MSH4: variants seen among roughly 807,000 people sequenced by gnomAD.
MSH4 encodes the protein mutS homolog 4, also known as mutS protein homolog 4.
Under a neutral mutation model 113.7 loss-of-function variants are expected in MSH4, and 106 were observed. The observed-to-expected ratio is 0.93, with a 90% confidence interval of 0.80 to 1.10. MSH4 has a LOEUF of 1.10. Ranked by LOEUF, MSH4 falls within the 50% of genes least tolerant of loss-of-function variation. MSH4 has a pLI of 0.00. For missense variants in MSH4, 1,061 were observed against 1,093.7 expected, an observed-to-expected ratio of 0.97 and a Z score of 0.42; for synonymous variants, 368 against 380.2, an observed-to-expected ratio of 0.97 and a Z score of 0.37.
At chr1:75,892,388 C>T (rs1269545438) in intron 17 of MSH4, among the ~76,000 whole-genome samples, 1 of 151,442 alleles carries the variant, frequency 6.6e-6, no homozygotes, top group Non-Finnish European at 1.5e-5. Flanking sequence ...CTCTCTCTCT[C>T]TCTCTCTTTC....
intron 19 of MSH4, among the ~76,000 whole-genome samples, chr1:75,912,246 G>A (rs931658855): frequency 6.6e-6 from 1 of 152,090 alleles, no homozygotes; most frequent in Non-Finnish European, 1.5e-5. Context: ...GGGAATTAAA[G>A]TAGGAGATAG....
intron 14 of MSH4, among the ~76,000 whole-genome samples, chr1:75,883,204 A>ACCATGTTG (rs984090755): frequency 7.0e-6 from 1 of 141,848 alleles, no homozygotes; most frequent in African/African-American, 2.6e-5. Flanking sequence ...ATAGGGTTTG[A>ACCATGTTG]CCATGTTGCC....
chr1:75,907,883 AT>A (rs1036495583), intron 19 of MSH4, among the ~76,000 whole-genome samples: 3 of 149,772 alleles, frequency 2.0e-5, no homozygotes, highest in African/African-American at 7.4e-5. Flanking sequence ...TGCCTGTCTA[AT>A]TTTTTTAGTG....
intron 19 of MSH4, among the ~76,000 whole-genome samples, chr1:75,907,360 A>C (rs1235841286): frequency 6.6e-6 from 1 of 151,848 alleles, no homozygotes; most frequent in Non-Finnish European, 1.5e-5. Context: ...GTTTTTGTTG[A>C]GAAGTCTGTT....
intron 4 of MSH4, among the ~76,000 whole-genome samples, chr1:75,814,132 T>C (rs1650245954): frequency 6.6e-6 from 1 of 152,052 alleles, no homozygotes; most frequent in Admixed American, 6.6e-5. Flanking sequence ...GTAAACCTTT[T>C]ACTTAACAAC....
At chr1:75,871,229 A>C (rs1439046627) in intron 9 of MSH4, among the ~76,000 whole-genome samples, 1 of 152,190 alleles carries the variant, frequency 6.6e-6, no homozygotes, top group African/African-American at 2.4e-5. Flanking sequence ...CACCATCATG[A>C]GAACAGCATG....
rs34304425 is a variant in MSH4 at position 75,902,673 on chromosome 1, GTATATATATATATATATATA to G, written c.2619+3010_2619+3029del. On this transcript the variant is annotated intron_variant, in intron 19 of 19. Transcript: ENST00000263187. ...AGGTACAGGTGTTATATATGTGTAT[GTATATATATATATATATATA>G]TATATATATATATATATATATATAT... Among the ~76,000 whole-genome samples, 333 of 90,186 alleles carry G rather than the reference GTATATATATATATATATATA, an allele frequency of 3.7e-3. 2 individuals carry two copies. Among genetic ancestry groups the G allele is most frequent in the East Asian group, 7.5e-3 (8 of 1,060 alleles). The allele number at this position is 90,186 out of a possible 152,430, so 59.2% of individuals were successfully genotyped here.
At chr1:75,809,850 C>A (rs1650149964) in intron 3 of MSH4, among the ~76,000 whole-genome samples, 1 of 151,964 alleles carries the variant, frequency 6.6e-6, no homozygotes, top group South Asian at 2.1e-4. Flanking sequence ...AGGGTTTCAC[C>A]ATGTTGGCCA....
chr1:75,808,202 G>A (rs1650110093), intron 3 of MSH4, among the ~76,000 whole-genome samples: 2 of 152,104 alleles, frequency 1.3e-5, no homozygotes, highest in Non-Finnish European at 2.9e-5. Context: ...GTCCCTGGTG[G>A]TATTTCAGAT....
chr1:75,896,389 AC>A lies in MSH4; in HGVS notation c.2356-1517del, dbSNP rs1652384539. On this transcript the variant is annotated intron_variant, in intron 17 of 19. Transcript: ENST00000263187. ...CACACACACACACACACACACACACACACACCCTATTGGTCTCTTTCTCTGG... is the reference window on the plus strand; with the variant it reads ...CACACACACACACACACACACACACAACACCCTATTGGTCTCTTTCTCTGG... 3.0e-5 allele frequency among the ~76,000 whole-genome samples: 3 copies of A among 100,128 alleles called. No homozygotes were observed. The South Asian group carries it at 1.0e-3, about 34-fold the overall frequency. The allele number at this position is 100,128 out of a possible 152,430, so 65.7% of individuals were successfully genotyped here.
chr1:75,807,704 T>C (rs188923028), intron 3 of MSH4, among the ~76,000 whole-genome samples: 2 of 152,320 alleles, frequency 1.3e-5, no homozygotes, highest in East Asian at 3.9e-4. Context: ...TGGCAAGGGA[T>C]AGACTTGTGG....
At chr1:75,844,770 A>C (rs1651040438) in intron 7 of MSH4, among the ~76,000 whole-genome samples, 1 of 152,260 alleles carries the variant, frequency 6.6e-6, no homozygotes, top group Non-Finnish European at 1.5e-5. Context: ...GTGGTGGTAC[A>C]TGCAAGACAC....
intron 8 of MSH4, among the ~76,000 whole-genome samples, chr1:75,858,100 T>G (rs1651361109): frequency 6.6e-6 from 1 of 152,200 alleles, no homozygotes; most frequent in Admixed American, 6.5e-5. Context: ...TGCTTGTGAT[T>G]TTGCACATTG....
intron 7 of MSH4, among the ~76,000 whole-genome samples, chr1:75,829,547 A>G (rs1464030197): frequency 6.6e-6 from 1 of 152,210 alleles, no homozygotes; most frequent in Non-Finnish European, 1.5e-5. Flanking sequence ...GTAGGGGCCG[A>G]CTGACACCTC....
At position 75,879,014 on chromosome 1, in the gene MSH4, A is replaced by C. The variant is rs750048104; in HGVS notation, c.1563A>C (p.Glu521Asp). The change falls in exon 12 of 20, where the codon GAA (glutamate) becomes GAC (aspartate). Residue 521 changes from glutamate to aspartate, a missense_variant. Glu to Asp is a conservative substitution (Grantham distance 45). Transcript: ENST00000263187. ...CAGGAATGATATCACAACTTGGAGAAAAATATAGTCTACCTTTAAGGACAA... is the reference window on the plus strand; with the variant it reads ...CAGGAATGATATCACAACTTGGAGACAAATATAGTCTACCTTTAAGGACAA... Reference protein sequence around the residue: ...DIAGMISQLGEKYSLPLRTSF... With the variant: ...DIAGMISQLGDKYSLPLRTSF... 6.2e-7 allele frequency: 1 copy of C among 1,610,010 alleles called. No homozygotes were observed. Among genetic ancestry groups the C allele is most frequent in the Admixed American group, 1.7e-5 (1 of 59,530 alleles).
chr1:75,911,721 G>A (rs1444802076), intron 19 of MSH4, among the ~76,000 whole-genome samples: 4 of 151,940 alleles, frequency 2.6e-5, no homozygotes, highest in Non-Finnish European at 5.9e-5. Context: ...AGACTAATTG[G>A]TAATTGATCT....
chr1:75,867,719 A>T, intron 9 of MSH4, 131 bp downstream of exon 9: 1 of 612,594 alleles, frequency 1.6e-6, no homozygotes, highest in East Asian at 2.9e-5. Context: ...TTCTTTGTAC[A>T]TACTTTACAT....
At chr1:75,843,443 A>G (rs1215122073) in intron 7 of MSH4, among the ~76,000 whole-genome samples, 3 of 152,194 alleles carry the variant, frequency 2.0e-5, no homozygotes, top group Non-Finnish European at 4.4e-5. Flanking sequence ...TTCCCACAAG[A>G]GACTTTGCAG....
At chr1:75,824,247 TA>T (rs1557497148) in intron 7 of MSH4, among the ~76,000 whole-genome samples, 1 of 152,212 alleles carries the variant, frequency 6.6e-6, no homozygotes, top group Non-Finnish European at 1.5e-5. Context: ...CTTTTTTTCA[TA>T]TGTTTGATGG....
Sources: gnomAD v4.1 joint callset for allele counts (sites outside exome capture counted in the v4.1 genomes callset) on GRCh38, gnomAD v4.1.1 for gene constraint, MANE v1.5 for transcripts, NCBI Gene and HGNC (gene_info 2026-07-23, HGNC 2026-07-21) for gene names.